PCDHGA2: variants seen among roughly 807,000 people sequenced by gnomAD.
PCDHGA2 encodes protocadherin gamma-A2.
A neutral mutation model predicts 59.2 loss-of-function variants in PCDHGA2; 40 were observed. The observed-to-expected ratio is 0.68, with a 90% CI of 0.52 to 0.88. PCDHGA2 has a LOEUF of 0.88. Among genes scored for constraint, PCDHGA2 ranks in the 40% least tolerant of loss-of-function variants. The pLI is 0.00. For synonymous variants in PCDHGA2, 560 were observed against 526.0 expected (o/e 1.06, Z -0.89); for missense variants, 1,226 against 1,204.0 (o/e 1.02, Z -0.27).
intron 1 of PCDHGA2, chr5:141,422,096 C>T: frequency 6.2e-7 from 1 of 1,610,710 alleles, no homozygotes; most frequent in Non-Finnish European, 8.5e-7. Context: ...AGCAAGGCTT[C>T]TGAAATATTC....
chr5:141,349,923 A>G (rs1398409525), intron 1 of PCDHGA2, among the ~76,000 whole-genome samples: 1 of 152,212 alleles, frequency 6.6e-6, no homozygotes, highest in African/African-American at 2.4e-5. Flanking sequence ...TAAAGGGGAA[A>G]ATGTGAGTAT....
intron 2 of PCDHGA2, among the ~76,000 whole-genome samples, chr5:141,496,582 G>C (rs991035985): frequency 6.6e-6 from 1 of 152,100 alleles, no homozygotes; most frequent in Non-Finnish European, 1.5e-5. Flanking sequence ...TTTTAGGAAC[G>C]CAAAGCGCTT....
intron 1 of PCDHGA2, chr5:141,351,898 G>C: frequency 6.2e-7 from 1 of 1,613,440 alleles, no homozygotes; most frequent in Admixed American, 1.7e-5. Context: ...GCCTGCGCGT[G>C]TTGGTGGGCG....
At chr5:141,408,156 T>G (rs1270401832) in intron 1 of PCDHGA2, 2 of 1,512,436 alleles carry the variant, frequency 1.3e-6, no homozygotes, top group East Asian at 2.5e-5. Flanking sequence ...TAGAGTGCAC[T>G]TTCTCCAACT....
chr5:141,410,135 G>T, intron 1 of PCDHGA2: 1 of 1,612,626 alleles, frequency 6.2e-7, no homozygotes, highest in Non-Finnish European at 8.5e-7. Context: ...CCTGCTGGTC[G>T]CTGTGCGTGA....
intron 1 of PCDHGA2, chr5:141,441,118 G>C (rs1265461098): frequency 6.6e-6 from 1 of 152,212 alleles, no homozygotes; most frequent in Non-Finnish European, 1.5e-5. Flanking sequence ...CCAGTGTACA[G>C]TTGAGACCGA....
At chr5:141,374,758 C>A (rs1316048031) in intron 1 of PCDHGA2, 3 of 1,613,200 alleles carry the variant, frequency 1.9e-6, no homozygotes, top group Non-Finnish European at 2.5e-6. Context: ...GCTCAAGCGT[C>A]GCCCAAATTC....
At chr5:141,376,368 A>C in intron 1 of PCDHGA2, 1 of 1,613,920 alleles carries the variant, frequency 6.2e-7, no homozygotes, top group Non-Finnish European at 8.5e-7. Flanking sequence ...CTCACTGCAG[A>C]CTCGCGTAAG....
At chr5:141,354,581 G>C (rs1168490424) in intron 1 of PCDHGA2, among the ~76,000 whole-genome samples, 1 of 152,104 alleles carries the variant, frequency 6.6e-6, no homozygotes, top group Non-Finnish European at 1.5e-5. Context: ...GCATAAATTG[G>C]GACTAAAGCC....
Position 141,415,510 on chromosome 5 carries a change from T to C in PCDHGA2, c.2424+74115T>C, listed in dbSNP as rs780820182. On this transcript the variant is annotated intron_variant, in intron 1 of 3. Coordinates refer to ENST00000394576, the MANE Select transcript of PCDHGA2 (RefSeq NM_018915.4). ...TCACCTGATCTTCCCCCAGCCCAAT[T>C]ATGCGGACACGCTCATCAGCCAGGA... The C allele has an allele frequency of 2.5e-6, 4 of 1,614,088 alleles. No homozygotes were observed. The African/African-American group carries it at 5.3e-5, about 22-fold the overall frequency.
intron 1 of PCDHGA2, chr5:141,371,242 A>C: frequency 6.2e-7 from 1 of 1,614,034 alleles, no homozygotes; most frequent in Non-Finnish European, 8.5e-7. Flanking sequence ...GCCTTCATCA[A>C]TATTGGCAAG....
At chr5:141,422,020 G>A (rs374562798) in intron 1 of PCDHGA2, 2 of 1,610,932 alleles carry the variant, frequency 1.2e-6, no homozygotes, top group Non-Finnish European at 1.7e-6. Flanking sequence ...GGTGCTGATG[G>A]TTAATGCAAC....
At chr5:141,394,798 T>C (rs770334197) in intron 1 of PCDHGA2, 1 of 1,613,818 alleles carries the variant, frequency 6.2e-7, no homozygotes, top group Non-Finnish European at 8.5e-7. Flanking sequence ...ACGCTCACCG[T>C]AGCCGTGGCT....
chr5:141,399,540 C>A (rs775910113), intron 1 of PCDHGA2: 2 of 1,613,934 alleles, frequency 1.2e-6, no homozygotes, highest in Non-Finnish European at 1.7e-6. Context: ...CGCAAGTCTG[C>A]GCCTCGGACC....
At chr5:141,460,455 A>G (rs1021070289) in intron 1 of PCDHGA2, among the ~76,000 whole-genome samples, 2 of 152,080 alleles carry the variant, frequency 1.3e-5, no homozygotes, top group African/African-American at 4.8e-5. Context: ...GAAGATTCAT[A>G]TTTTTTTCCA....
intron 1 of PCDHGA2, chr5:141,399,997 A>C (rs2093936203): frequency 6.2e-7 from 1 of 1,612,226 alleles, no homozygotes; most frequent in African/African-American, 1.3e-5. Context: ...AGAGGTGCGC[A>C]CAGCGCGTGC....
chr5:141,398,203 T>C (rs1365410987), intron 1 of PCDHGA2: 2 of 1,489,610 alleles, frequency 1.3e-6, no homozygotes. Flanking sequence ...GTCTTTGTTC[T>C]GCCCGGCGCT....
chr5:141,416,819 G>A (rs952251457), intron 1 of PCDHGA2: 5 of 151,982 alleles, frequency 3.3e-5, no homozygotes, highest in African/African-American at 9.7e-5. Flanking sequence ...AAAGCATTCC[G>A]AAGTTTCTCA....
intron 1 of PCDHGA2, among the ~76,000 whole-genome samples, chr5:141,425,058 G>A (rs938128250): frequency 1.3e-5 from 2 of 151,986 alleles, no homozygotes; most frequent in African/African-American, 2.4e-5. Context: ...TCTAGGGCTC[G>A]GACAAAAATA....
Sources: allele counts gnomAD v4.1 joint callset (sites outside exome capture counted in the v4.1 genomes callset), GRCh38; gene constraint gnomAD v4.1.1; transcripts MANE v1.5; gene names NCBI Gene and HGNC (gene_info 2026-07-23, HGNC 2026-07-21).